The following LUC7L3 variants were observed in gnomAD, a reference collection of about 807,000 sequenced individuals.
The protein encoded by LUC7L3 is luc7-like protein 3.
Under a neutral mutation model 66.8 loss-of-function variants are expected in LUC7L3, and 6 were observed. The ratio of observed to expected loss-of-function variants is 0.09; its 90% CI spans 0.05 to 0.18. The LOEUF (loss-of-function observed/expected upper bound fraction) is 0.18. Ranked by LOEUF, LUC7L3 falls within the 10% of genes least tolerant of loss-of-function variation. The pLI, the probability that LUC7L3 is intolerant of heterozygous loss-of-function variation, is 1.00. For missense variants in LUC7L3, 341 were observed against 531.1 expected (o/e 0.64, Z 3.52); for synonymous variants, 160 against 174.7 (o/e 0.92, Z 0.66).
intron 1 of LUC7L3, among the ~76,000 whole-genome samples, chr17:50,721,004 C>T (rs890003844): frequency 6.6e-6 from 1 of 152,024 alleles, no homozygotes; most frequent in African/African-American, 2.4e-5. Flanking sequence ...GGCTCCCCAT[C>T]CCCCCGACCA....
rs1229605069 is a variant in LUC7L3, at chr17:50,754,965, A to C, written c.*4304A>C. 1 of 152,192 alleles carries C rather than the reference A, an allele frequency of 6.6e-6. No individual in the cohort carries two copies. Among genetic ancestry groups the C allele is most frequent in the Non-Finnish European group, 1.5e-5 (1 of 68,044 alleles). 9.4% of individuals were successfully genotyped at this position (152,192 alleles called of 1,614,324 possible). On this transcript the variant is annotated 3_prime_UTR_variant, in exon 10 of 10. Coordinates refer to ENST00000505658, the MANE Select transcript of LUC7L3 (RefSeq NM_016424.5). ...GAGCCCTCATCCATTCTGTTTTTAAAAATGCATTGCAGATGGGCTATGTGA... is the reference window on the plus strand; with the variant it reads ...GAGCCCTCATCCATTCTGTTTTTAACAATGCATTGCAGATGGGCTATGTGA...
In LUC7L3 at chr17:50,751,087, T is replaced by A; in HGVS notation, c.*426T>A. On this transcript the variant is annotated 3_prime_UTR_variant, in exon 10 of 10. Coordinates refer to ENST00000505658, the MANE Select transcript of LUC7L3 (RefSeq NM_016424.5). The stretch of plus-strand genomic sequence containing the variant: ...TGGTACATTGGCAGAGACATATGCT[T>A]TAAAAACTTAAATATTTCGGAGGCA... The A allele has an allele frequency of 6.9e-7, 1 of 1,442,796 alleles. No homozygotes were observed. Among genetic ancestry groups the A allele is most frequent in the Non-Finnish European group, 9.0e-7 (1 of 1,106,192 alleles). The allele number at this position is 1,442,796 out of a possible 1,614,324, so 89.4% of individuals were successfully genotyped here.
In LUC7L3 at chr17:50,751,876, C is replaced by T. The variant is rs893493734; in HGVS notation, c.*1215C>T. On this transcript the variant is annotated 3_prime_UTR_variant, in exon 10 of 10. Transcript: ENST00000505658. ...TTAGGTACTGTAAGTGTTCTTAAAA[C>T]CTGTAAACTTCATTCTGTGGGCTAG... 1 of 1,014,506 alleles carries T rather than the reference C, an allele frequency of 9.9e-7. No individual in the cohort carries two copies. The highest frequency in any genetic ancestry group is 1.2e-6 in the Non-Finnish European group (1 of 847,518). 62.8% of individuals were successfully genotyped at this position (1,014,506 alleles called of 1,614,324 possible).
intron 5 of LUC7L3, 179 bp from the exon 6 acceptor site, chr17:50,743,527 C>A: frequency 1.9e-6 from 1 of 524,054 alleles, no homozygotes; most frequent in South Asian, 2.3e-5. Context: ...TTTCTTAACA[C>A]ATCAGTTATA....
chr17:50,747,687 A>C (rs941761416), intron 9 of LUC7L3, among the ~76,000 whole-genome samples: 1 of 152,042 alleles, frequency 6.6e-6, no homozygotes. Flanking sequence ...TTTCCTCTAG[A>C]CTCAGCTAGA....
In LUC7L3 at chr17:50,750,926, C is replaced by T. The variant is rs780731628; in HGVS notation, c.*265C>T. The T allele has an allele frequency of 6.5e-7, 1 of 1,534,740 alleles. No homozygotes were observed. Among genetic ancestry groups the T allele is most frequent in the Non-Finnish European group, 8.7e-7 (1 of 1,146,328 alleles). On this transcript the variant is annotated 3_prime_UTR_variant, in exon 10 of 10. Transcript: ENST00000505658. ...AGTGTGCCTCTTTGGAAATTATCGC[C>T]CACATTTGTAATATAGTCGCCATTG...
chr17:50,745,890 A>G lies in LUC7L3; in HGVS notation c.864A>G (p.Glu288=). Residue 288 remains glutamate, a synonymous_variant, in exon 8 of 10, where the codon GAA becomes GAG. Transcript: ENST00000505658. ...EREKERARDR[E]RRKRSRSRSR... is the part of the protein sequence containing the mutation. ...AAAAAGAAAGGGCTCGTGACAGAGAAAGAAGAAAGAGAAGTCGTTCACGAA... is the reference window on the plus strand; with the variant it reads ...AAAAAGAAAGGGCTCGTGACAGAGAGAGAAGAAAGAGAAGTCGTTCACGAA... 6.2e-7 allele frequency: 1 copy of G among 1,612,328 alleles called. No individual in the cohort carries two copies. The highest frequency in any genetic ancestry group is 8.5e-7 in the Non-Finnish European group (1 of 1,179,002).
chr17:50,748,278 T>A (rs1274809417), intron 9 of LUC7L3: 2 of 152,264 alleles, frequency 1.3e-5, no homozygotes, highest in African/African-American at 2.4e-5. Flanking sequence ...GTTGCTTACC[T>A]TTAATCCTAA....
At chr17:50,742,797 AAAAAT>A (rs1322393606) in intron 5 of LUC7L3, among the ~76,000 whole-genome samples, 3 of 152,242 alleles carry the variant, frequency 2.0e-5, no homozygotes, top group Non-Finnish European at 4.4e-5. Flanking sequence ...ATGGCACAAA[AAAAAT>A]AAAACCCAGA....
chr17:50,731,257 C>T (rs769452184), intron 1 of LUC7L3, among the ~76,000 whole-genome samples: 2 of 152,182 alleles, frequency 1.3e-5, no homozygotes, highest in Non-Finnish European at 2.9e-5. Context: ...CAACCTCTCC[C>T]TCCCGGGTTC....
intron 5 of LUC7L3, among the ~76,000 whole-genome samples, chr17:50,741,935 G>T (rs1384096772): frequency 1.3e-5 from 2 of 152,126 alleles, no homozygotes; most frequent in African/African-American, 4.8e-5. Flanking sequence ...AATTAGCCAG[G>T]TGCAATGGCG....
chr17:50,738,895 G>A (rs767329654), intron 2 of LUC7L3, among the ~76,000 whole-genome samples: 4 of 152,150 alleles, frequency 2.6e-5, no homozygotes, highest in African/African-American at 9.7e-5. Context: ...TTTAGAACAC[G>A]GGGGTGGTGG....
In LUC7L3 at chr17:50,741,119, G is replaced by A. The variant is rs559707320; in HGVS notation, c.224G>A (p.Arg75His). ...NLRKQYEKSS[R>H]FMKVGYERDF... The stretch of plus-strand genomic sequence containing the variant: ...GTTACCAGGTATGAGAAGAGCTCTC[G>A]TTTCATGAAAGTTGGCTATGAGAGA... Residue 75 changes from arginine to histidine, a missense_variant, in exon 4 of 10, where the codon CGT becomes CAT. Physicochemically the swap from Arg to His is conservative, Grantham distance 29. Coordinates refer to ENST00000505658, the MANE Select transcript of LUC7L3 (RefSeq NM_016424.5). 2 of 1,614,088 alleles carry A rather than the reference G, an allele frequency of 1.2e-6. No homozygotes were observed. The highest frequency in any genetic ancestry group is 8.5e-7 in the Non-Finnish European group (1 of 1,179,982).
chr17:50,746,415 G>T, intron 8 of LUC7L3, 127 bp from the exon 9 acceptor site: 1 of 828,062 alleles, frequency 1.2e-6, no homozygotes, highest in Non-Finnish European at 1.9e-6. Flanking sequence ...TAGTTCTTAA[G>T]ATTTCTAATG....
chr17:50,729,574 A>G (rs751322326), intron 1 of LUC7L3, among the ~76,000 whole-genome samples: 6 of 151,914 alleles, frequency 3.9e-5, no homozygotes, highest in Non-Finnish European at 7.4e-5. Flanking sequence ...GGGCATACTC[A>G]CACACCCACA....
At chr17:50,724,959 C>A (rs1245937692) in intron 1 of LUC7L3, among the ~76,000 whole-genome samples, 1 of 151,946 alleles carries the variant, frequency 6.6e-6, no homozygotes, top group African/African-American at 2.4e-5. Context: ...TGGGGTTTCA[C>A]CATGTTTGCC....
intron 7 of LUC7L3, 29 bp downstream of exon 7, chr17:50,744,842 A>T: frequency 6.3e-7 from 1 of 1,593,190 alleles, no homozygotes; most frequent in East Asian, 2.2e-5. Flanking sequence ...TTTGAGGCAG[A>T]TTCTTGCTCT....
At position 50,746,624 on chromosome 17, in the gene LUC7L3, A is replaced by G. The variant is rs1367314485; in HGVS notation, c.1060A>G (p.Lys354Glu). Reference sequence around the variant, plus strand: ...TCGAAGTCGGGATCGAAGAAGATCAAAAAGCCGGGATCGAAAGTCATATAA... The same window carrying G: ...TCGAAGTCGGGATCGAAGAAGATCAGAAAGCCGGGATCGAAAGTCATATAA... ...RSRSRDRRRS[K>E]SRDRKSYKHR... Residue 354 changes from lysine to glutamate, a missense_variant, in exon 9 of 10, where the codon AAA (lysine) becomes GAA (glutamate). Physicochemically the swap from Lys to Glu is moderately conservative, Grantham distance 56. This residue lies in a region of LUC7L3 where 210 missense variants were observed against 238.1 expected (regional missense o/e 0.88). Coordinates refer to ENST00000505658, the MANE Select transcript of LUC7L3 (RefSeq NM_016424.5). 1 of 1,614,188 alleles carries G rather than the reference A, an allele frequency of 6.2e-7. No individual in the cohort carries two copies. The highest frequency in any genetic ancestry group is 1.1e-5 in the South Asian group (1 of 91,088).
At chr17:50,732,669 A>C (rs1256464576) in intron 1 of LUC7L3, among the ~76,000 whole-genome samples, 2 of 147,494 alleles carry the variant, frequency 1.4e-5, no homozygotes, top group East Asian at 4.1e-4. Context: ...GGCATAAGCC[A>C]CTGGGCCCAG....
Sources: allele counts gnomAD v4.1 joint callset (sites outside exome capture counted in the v4.1 genomes callset), GRCh38; gene constraint gnomAD v4.1.1; regional missense constraint gnomAD v4.1.1; transcripts MANE v1.5; gene names NCBI Gene and HGNC (gene_info 2026-07-23, HGNC 2026-07-21).